The following IL1RAPL2 variants were observed in gnomAD, a reference collection of about 807,000 sequenced individuals.
IL1RAPL2 encodes X-linked interleukin-1 receptor accessory protein-like 2.
Under a neutral mutation model 44.1 loss-of-function variants are expected in IL1RAPL2, and 3 were observed. The ratio of observed to expected loss-of-function variants is 0.07; its 90% CI spans 0.03 to 0.18. The LOEUF (loss-of-function observed/expected upper bound fraction) is 0.18. Among genes scored for constraint, IL1RAPL2 ranks in the 10% least tolerant of loss-of-function variants. The pLI, the probability that IL1RAPL2 is intolerant of heterozygous loss-of-function variation, is 1.00. For synonymous variants in IL1RAPL2, 181 were observed against 178.8 expected (o/e 1.01, Z -0.10); for missense variants, 391 against 496.4 (o/e 0.79, Z 2.02).
intron 6 of IL1RAPL2, among the ~76,000 whole-genome samples, chrX:105,630,665 GA>G (rs925758992): frequency 2.8e-5 from 3 of 109,018 alleles, no homozygotes; most frequent in East Asian, 5.8e-4. Context: ...GGGTGTTAGG[GA>G]AAAAAAATGA....
intron 2 of IL1RAPL2, among the ~76,000 whole-genome samples, chrX:104,963,301 T>C (rs1227416781): frequency 8.9e-6 from 1 of 112,315 alleles, no homozygotes; most frequent in Non-Finnish European, 1.9e-5. Context: ...AAGGTAGTAC[T>C]TAATACTTAC....
chrX:105,559,723 G>A (rs772892167), intron 6 of IL1RAPL2, among the ~76,000 whole-genome samples: 2 of 111,296 alleles, frequency 1.8e-5, no homozygotes, highest in Non-Finnish European at 1.9e-5. Context: ...CTTGCTTGGG[G>A]TAATCTTTTA....
intron 6 of IL1RAPL2, among the ~76,000 whole-genome samples, chrX:105,575,355 T>C (rs1298510870): frequency 2.7e-5 from 3 of 111,026 alleles, no homozygotes; most frequent in Non-Finnish European, 5.7e-5. Flanking sequence ...ATGGGTTCCA[T>C]TGTGTGTTGT....
At chrX:105,311,889 G>C (rs944698464) in intron 5 of IL1RAPL2, among the ~76,000 whole-genome samples, 5 of 111,102 alleles carry the variant, frequency 4.5e-5, no homozygotes, top group Non-Finnish European at 9.5e-5. Flanking sequence ...ATGAGTTGCT[G>C]TCAGTGTATG....
rs1174757902 is a variant in IL1RAPL2 at position 104,596,426 on chromosome X, T to C, written c.-20+29375T>C. On this transcript the variant is annotated intron_variant, in intron 1 of 10. Coordinates refer to ENST00000372582, the MANE Select transcript of IL1RAPL2 (RefSeq NM_017416.2). ...TTCACAGATACCAGGCTTAGAATCC[T>C]TGGCTTTGAGATTGTGACCAACTAG... is the stretch of plus-strand genomic sequence containing the variant. Among the ~76,000 whole-genome samples, 8 of 111,827 alleles carry C rather than the reference T, an allele frequency of 7.2e-5. No individual in the cohort carries two copies. In the Admixed American group the frequency reaches 7.6e-4, roughly 11 times the overall value.
At chrX:105,454,628 T>TGACCTTG (rs2036042450) in intron 5 of IL1RAPL2, among the ~76,000 whole-genome samples, 1 of 111,731 alleles carries the variant, frequency 9.0e-6, no homozygotes, top group South Asian at 3.7e-4. Flanking sequence ...CTACCGCTGG[T>TGACCTTG]GACCTTGTAC....
intron 5 of IL1RAPL2, among the ~76,000 whole-genome samples, chrX:105,468,220 G>A (rs914439585): frequency 2.4e-4 from 27 of 111,959 alleles, no homozygotes; most frequent in African/African-American, 8.1e-4. Context: ...TGGTGGAAGA[G>A]AAAATGGTAT....
intron 2 of IL1RAPL2, among the ~76,000 whole-genome samples, chrX:104,943,287 C>G (rs1399016406): frequency 1.8e-5 from 2 of 111,129 alleles, no homozygotes; most frequent in Non-Finnish European, 3.8e-5. Flanking sequence ...ATGTTGATGA[C>G]TCCATAATTT....
intron 6 of IL1RAPL2, among the ~76,000 whole-genome samples, chrX:105,558,903 C>A (rs2147805945): frequency 9.0e-6 from 1 of 111,621 alleles, no homozygotes; most frequent in Non-Finnish European, 1.9e-5. Context: ...TTAATTAAAT[C>A]TGTTTACCTC....
At chrX:105,203,616 C>G (rs1427484047) in intron 3 of IL1RAPL2, among the ~76,000 whole-genome samples, 1 of 111,955 alleles carries the variant, frequency 8.9e-6, no homozygotes, top group Non-Finnish European at 1.9e-5. Flanking sequence ...CAAACTCTTC[C>G]AAACCTGCTC....
At chrX:105,460,103 T>A (rs1040281496) in intron 5 of IL1RAPL2, among the ~76,000 whole-genome samples, 3 of 111,122 alleles carry the variant, frequency 2.7e-5, no homozygotes, top group Non-Finnish European at 3.8e-5. Flanking sequence ...GCAGGCAAAG[T>A]TATGTCTTCA....
At chrX:105,666,089 T>G (rs1185754497) in intron 6 of IL1RAPL2, among the ~76,000 whole-genome samples, 8 of 110,143 alleles carry the variant, frequency 7.3e-5, no homozygotes, top group South Asian at 3.8e-4. Context: ...TGGGTTTTTT[T>G]TTTTTTTTGC....
chrX:105,746,067 T>C (rs1253671514), intron 8 of IL1RAPL2, among the ~76,000 whole-genome samples: 2 of 111,913 alleles, frequency 1.8e-5, no homozygotes. Context: ...ACAGAAGCCC[T>C]CAGGTGGGAT....
At chrX:104,657,683 G>A (rs1012177850) in intron 1 of IL1RAPL2, among the ~76,000 whole-genome samples, 1 of 110,987 alleles carries the variant, frequency 9.0e-6, no homozygotes, top group Non-Finnish European at 1.9e-5. Flanking sequence ...GAGTGAACAG[G>A]CAACCTACAG....
intron 6 of IL1RAPL2, among the ~76,000 whole-genome samples, chrX:105,622,480 A>G (rs1195029368): frequency 1.8e-5 from 2 of 110,071 alleles, no homozygotes; most frequent in Non-Finnish European, 3.8e-5. Flanking sequence ...GGTGTTATAA[A>G]TGGTATGTGT....
chrX:104,983,772 C>T (rs1244030569), intron 2 of IL1RAPL2, among the ~76,000 whole-genome samples: 1 of 104,166 alleles, frequency 9.6e-6, no homozygotes, highest in Non-Finnish European at 1.9e-5. Flanking sequence ...AATACTTTTC[C>T]CCAGTTAGTG....
At chrX:105,191,317 G>C (rs2033631301) in intron 2 of IL1RAPL2, among the ~76,000 whole-genome samples, 1 of 112,551 alleles carries the variant, frequency 8.9e-6, no homozygotes, top group Non-Finnish European at 1.9e-5. Flanking sequence ...CCAGGTTCAA[G>C]TGATTCTCTG....
At chrX:104,891,424 T>C (rs1923436709) in intron 2 of IL1RAPL2, among the ~76,000 whole-genome samples, 1 of 112,238 alleles carries the variant, frequency 8.9e-6, no homozygotes, top group Non-Finnish European at 1.9e-5. Context: ...ATTCTTCCTA[T>C]CCATGAGCAT....
chrX:105,747,458 C>T (rs1395471568), intron 8 of IL1RAPL2, among the ~76,000 whole-genome samples: 3 of 83,958 alleles, frequency 3.6e-5, no homozygotes, highest in East Asian at 7.5e-4. Flanking sequence ...TTCTCTCTCT[C>T]TCTCTCTCTC....
Sources: allele counts gnomAD v4.1 joint callset (sites outside exome capture counted in the v4.1 genomes callset), GRCh38; gene constraint gnomAD v4.1.1; transcripts MANE v1.5; gene names NCBI Gene and HGNC (gene_info 2026-07-23, HGNC 2026-07-21).